CELSR2: variants seen among roughly 807,000 people sequenced by gnomAD.
CELSR2 encodes the protein EGF-like protein 2.
A neutral mutation model predicts 251.6 loss-of-function variants in CELSR2; 81 were observed. The observed-to-expected ratio is 0.32, with a 90% CI of 0.27 to 0.39. The LOEUF (loss-of-function observed/expected upper bound fraction) is 0.39, where lower values mean the gene tolerates loss of function less well. CELSR2 is among the 10% of genes least tolerant of loss of function. The probability of loss-of-function intolerance (pLI) is 1.00; values close to 1 mark genes in which losing one functional copy is unlikely to be tolerated. For synonymous variants in CELSR2, 1,721 were observed against 1,670.5 expected (o/e 1.03, Z -0.74); for missense variants, 3,365 against 3,947.7 (o/e 0.85, Z 3.96).
chr1:109,264,414 C>G, intron 10 of CELSR2, 40 bp from the exon 11 acceptor site: 17 of 1,599,280 alleles, frequency 1.1e-5, no homozygotes, highest in Non-Finnish European at 1.5e-5. Context: ...CACCTGCAGC[C>G]CCGCTCCACT....
chr1:109,265,860 G>A lies in CELSR2; in HGVS notation c.5853G>A (p.Gly1951=). The A allele has an allele frequency of 6.2e-7, 1 of 1,614,068 alleles. No homozygotes were observed. The highest frequency in any genetic ancestry group is 8.5e-7 in the Non-Finnish European group (1 of 1,180,000). The change falls in exon 14 of 34, where the codon GGG becomes GGA. Residue 1951 remains glycine (G), a synonymous_variant. Transcript: ENST00000271332. ...GQCPCKPGVI[G]RQCDRCDNPF... ...GTCCATGCAAGCCAGGTGTCATCGG[G>A]CGTCAGTGTGACCGCTGTGACAACC...
At position 109,250,352 on chromosome 1, in the gene CELSR2, G is replaced by A. The variant is rs1655647787; in HGVS notation, c.273G>A (p.Arg91=). The part of the protein sequence containing the change: ...GHLVPHHDGL[R]VWCPESEAHI... Reference sequence around the variant, plus strand: ...TGGTACCCCACCACGATGGCCTGAGGGTTTGGTGTCCAGAATCCGAGGCCC... The same window carrying A: ...TGGTACCCCACCACGATGGCCTGAGAGTTTGGTGTCCAGAATCCGAGGCCC... The change falls in exon 1 of 34, where the codon AGG becomes AGA. Residue 91 remains arginine, a synonymous_variant. Transcript: ENST00000271332. This position sits in a 1 kb window ranked among gnomAD's most constrained non-coding sequence, Gnocchi z 4.4. 1.2e-6 allele frequency: 2 copies of A among 1,613,534 alleles called. No homozygotes were observed. Among genetic ancestry groups the A allele is most frequent in the African/African-American group, 1.3e-5 (1 of 75,058 alleles).
Position 109,270,028 on chromosome 1 carries a change from G to A in CELSR2, c.7203G>A (p.Leu2401=). ...LLLTFFFLTL[L]RILRSNQHGI... ...TCACCTTCTTCTTCCTCACTCTCTT[G>A]CGTATCCTGCGCTCCAACCAACACG... Residue 2401 remains leucine (L), a synonymous_variant, in exon 23 of 34, where the codon TTG becomes TTA. Transcript: ENST00000271332. The A allele has an allele frequency of 6.2e-7, 1 of 1,614,024 alleles. No individual in the cohort carries two copies. Among genetic ancestry groups the A allele is most frequent in the East Asian group, 2.2e-5 (1 of 44,866 alleles).
Position 109,269,331 on chromosome 1 carries a change from G to T in CELSR2, c.6812+41G>T, listed in dbSNP as rs368186419. 7 of 1,611,504 alleles carry T rather than the reference G, an allele frequency of 4.3e-6. No homozygotes were observed. Among genetic ancestry groups the T allele is most frequent in the Non-Finnish European group, 5.9e-6 (7 of 1,179,276 alleles). On this transcript the variant is annotated intron_variant, in intron 20 of 33. Transcript: ENST00000271332. The surrounding 1 kb of genome is among the most constrained non-coding windows in gnomAD (Gnocchi z 6.4). ...ACAGGTGTGGGTAGGGGTATGGGTCGGGCGGTGAGTGCTGAGGCATGGAGG... is the reference window on the plus strand; with the variant it reads ...ACAGGTGTGGGTAGGGGTATGGGTCTGGCGGTGAGTGCTGAGGCATGGAGG...
Position 109,262,338 on chromosome 1 carries a change from G to T in CELSR2, c.4438G>T (p.Ala1480Ser), listed in dbSNP as rs760390683. ...ACAGGGCCCATCAGAGCAGAAGGTG[G>T]CTGTGGTGACCGTGGATGGCTGTGA... ...LPQGPSEQKV[A>S]VVTVDGCDTG... The change falls in exon 6 of 34, where the codon GCT becomes TCT. Residue 1480 changes from alanine to serine, a missense_variant. Transcript: ENST00000271332. The T allele has an allele frequency of 1.9e-6, 3 of 1,614,212 alleles. No individual in the cohort carries two copies. Among genetic ancestry groups the T allele is most frequent in the Non-Finnish European group, 2.5e-6 (3 of 1,180,042 alleles).
Position 109,271,692 on chromosome 1 carries a change from T to C in CELSR2, c.7896T>C (p.Pro2632=). Residue 2632 remains proline, a synonymous_variant, in exon 28 of 34, where the codon CCT becomes CCC. Transcript: ENST00000271332. ...LACSRKPSPD[P]ALTTKSTLTS... ...GCAGCCGCAAGCCCAGCCCTGACCC[T>C]GCTCTGACCACCAAGTCCACCCTGA... The C allele has an allele frequency of 1.2e-6, 2 of 1,613,934 alleles. No homozygotes were observed. The highest frequency in any genetic ancestry group is 1.7e-6 in the Non-Finnish European group (2 of 1,180,028).
Position 109,273,587 on chromosome 1 carries a change from C to A in CELSR2, c.8661C>A (p.Ser2887Arg), listed in dbSNP as rs1478574320. 1.9e-6 allele frequency: 3 copies of A among 1,557,214 alleles called. No individual in the cohort carries two copies. The highest frequency in any genetic ancestry group is 2.7e-5 in the African/African-American group (2 of 73,072). Residue 2887 changes from serine (S) to arginine (R), a missense_variant, in exon 33 of 34, where the codon AGC (serine) becomes AGA (arginine). Ser to Arg is a moderately radical substitution (Grantham distance 110, BLOSUM62 -1). Coordinates refer to ENST00000271332, the MANE Select transcript of CELSR2 (RefSeq NM_001408.3). The stretch of plus-strand genomic sequence containing the variant: ...CTCCCCGCCCACCGCCCCGGCAGAG[C>A]CTCCAGGAGCAGCTGAACGGGGTCA... The part of the protein sequence containing the change: ...GPPPRPPPRQ[S>R]LQEQLNGVMP...
At position 109,264,558 on chromosome 1, in the gene CELSR2, C is replaced by T. The variant is rs1341964677; in HGVS notation, c.5394C>T (p.Asp1798=). 1 of 1,614,216 alleles carries T rather than the reference C, an allele frequency of 6.2e-7. No homozygotes were observed. Among genetic ancestry groups the T allele is most frequent in the Middle Eastern group, 1.6e-4 (1 of 6,062 alleles). The stretch of plus-strand genomic sequence containing the variant: ...GCTGTAGCCTGCCTGACCCTTGTGA[C>T]TCAAACCCGTGTCCTGCTAACAGCT... The part of the protein sequence containing the change: ...EQGCSLPDPC[D]SNPCPANSYC... Residue 1798 remains aspartate (D), a synonymous_variant, in exon 11 of 34, where the codon GAC becomes GAT. Transcript: ENST00000271332.
At position 109,251,449 on chromosome 1, in the gene CELSR2, A is replaced by G. The variant is rs1420014979; in HGVS notation, c.1370A>G (p.Asp457Gly). 6.2e-7 allele frequency: 1 copy of G among 1,613,710 alleles called. No individual in the cohort carries two copies. The highest frequency in any genetic ancestry group is 2.2e-5 in the East Asian group (1 of 44,884). Reference sequence around the variant, plus strand: ...CTGGATGCCCAGACTGGAGCTCTGGATGTGGTGAGCCCTCTTGACTATGAG... The same window carrying G: ...CTGGATGCCCAGACTGGAGCTCTGGGTGTGGTGAGCCCTCTTGACTATGAG... ...FYLDAQTGAL[D>G]VVSPLDYETT... The change falls in exon 1 of 34, where the codon GAT becomes GGT. Residue 457 changes from aspartate to glycine, a missense_variant. Asp to Gly is a moderately conservative substitution (Grantham distance 94, BLOSUM62 -1). Coordinates refer to ENST00000271332, the MANE Select transcript of CELSR2 (RefSeq NM_001408.3). The surrounding 1 kb of genome is among the most constrained non-coding windows in gnomAD (Gnocchi z 4.9).
chr1:109,258,417 T>C lies in CELSR2; in HGVS notation c.3311-15T>C. ...GCAGCCCCAGGCTGGGTCCTGACTG[T>C]GTCCCTCTCCACAGACGGCGTACAC... is the stretch of plus-strand genomic sequence containing the variant. On this transcript the variant is annotated splice_polypyrimidine_tract_variant and intron_variant, in intron 1 of 33. Transcript: ENST00000271332. 1.1e-5 allele frequency: 17 copies of C among 1,547,894 alleles called. No homozygotes were observed. Among genetic ancestry groups the C allele is most frequent in the Non-Finnish European group, 1.5e-5 (17 of 1,142,698 alleles).
chr1:109,253,798 C>G (rs773025945), intron 1 of CELSR2, among the ~76,000 whole-genome samples: 2 of 152,188 alleles, frequency 1.3e-5, no homozygotes, highest in African/African-American at 2.4e-5. Context: ...CCCTTCACCC[C>G]CATCAAGATA....
At chr1:109,257,713 C>T (rs1268594541) in intron 1 of CELSR2, among the ~76,000 whole-genome samples, 2 of 152,144 alleles carry the variant, frequency 1.3e-5, no homozygotes, top group African/African-American at 2.4e-5. Flanking sequence ...CTCTGCCTTC[C>T]GGTCCCCCAC....
Position 109,273,432 on chromosome 1 carries a change from A to G in CELSR2, c.8510-4A>G. On this transcript the variant is annotated splice_region_variant and splice_polypyrimidine_tract_variant and intron_variant, in intron 32 of 33. Coordinates refer to ENST00000271332, the MANE Select transcript of CELSR2 (RefSeq NM_001408.3). Reference sequence around the variant, plus strand: ...GCACCTCACAGCCCCGCCCCGGCCCACAGGCATCCTTAAGAAGAAGTGTCT... The same window carrying G: ...GCACCTCACAGCCCCGCCCCGGCCCGCAGGCATCCTTAAGAAGAAGTGTCT... 1 of 1,610,996 alleles carries G rather than the reference A, an allele frequency of 6.2e-7. No homozygotes were observed. The highest frequency in any genetic ancestry group is 1.1e-5 in the South Asian group (1 of 90,698).
At chr1:109,253,463 G>A (rs1037564044) in intron 1 of CELSR2, 74 bp downstream of exon 1, 3 of 1,511,878 alleles carry the variant, frequency 2.0e-6, no homozygotes, top group Admixed American at 2.0e-5. Flanking sequence ...TGGAGGTAGG[G>A]TGCGATCCAG....
At position 109,251,132 on chromosome 1, in the gene CELSR2, C is replaced by T; in HGVS notation, c.1053C>T (p.Thr351=). The T allele has an allele frequency of 6.2e-7, 1 of 1,613,294 alleles. No individual in the cohort carries two copies. The highest frequency in any genetic ancestry group is 1.1e-5 in the South Asian group (1 of 91,064). Residue 351 remains threonine, a synonymous_variant, in exon 1 of 34, where the codon ACC becomes ACT. Coordinates refer to ENST00000271332, the MANE Select transcript of CELSR2 (RefSeq NM_001408.3). This position sits in a 1 kb window ranked among gnomAD's most constrained non-coding sequence, Gnocchi z 4.9. ...ACCCTCGCTCTGGGGTGATCCGAACCCGTGGCCCTGTGGATCGGGAAGAGG... is the reference window on the plus strand; with the variant it reads ...ACCCTCGCTCTGGGGTGATCCGAACTCGTGGCCCTGTGGATCGGGAAGAGG... ...EIDPRSGVIR[T]RGPVDREEVE... is the part of the protein sequence containing the mutation.
intron 15 of CELSR2, 134 bp downstream of exon 15, chr1:109,266,340 T>C (rs1656186151): frequency 9.7e-7 from 1 of 1,035,374 alleles, no homozygotes; most frequent in Non-Finnish European, 1.4e-6. Flanking sequence ...TCATTTCCCA[T>C]CTTCCTTGGT....
rs751067182 is a variant in CELSR2 at position 109,252,668 on chromosome 1, C to T, written c.2589C>T (p.Asp863=). The part of the protein sequence containing the change: ...TFQGGDDGDG[D]FIVESTSGIV... Reference sequence around the variant, plus strand: ...AAGGAGGCGACGATGGAGACGGTGACTTTATTGTTGAGTCCACGTCAGGCA... The same window carrying T: ...AAGGAGGCGACGATGGAGACGGTGATTTTATTGTTGAGTCCACGTCAGGCA... The change falls in exon 1 of 34, where the codon GAC becomes GAT. Residue 863 remains aspartate (D), a synonymous_variant. Transcript: ENST00000271332. The surrounding 1 kb of genome is among the most constrained non-coding windows in gnomAD (Gnocchi z 4.8). The T allele has an allele frequency of 6.2e-7, 1 of 1,613,924 alleles. No individual in the cohort carries two copies. Among genetic ancestry groups the T allele is most frequent in the Non-Finnish European group, 8.5e-7 (1 of 1,180,038 alleles).
chr1:109,273,893 A>T (rs1286165730), intron 33 of CELSR2, 129 bp from the exon 34 acceptor site: 4 of 1,314,384 alleles, frequency 3.0e-6, no homozygotes, highest in African/African-American at 1.4e-5. Flanking sequence ...CCTAGGGCAG[A>T]GTGCGGGAGG....
intron 5 of CELSR2, 51 bp from the exon 6 acceptor site, chr1:109,262,236 T>C: frequency 1.3e-6 from 2 of 1,596,530 alleles, no homozygotes; most frequent in South Asian, 1.1e-5. Context: ...GCCATGAACC[T>C]AGTGGGCTCT....
Sources: allele counts gnomAD v4.1 joint callset (sites outside exome capture counted in the v4.1 genomes callset), GRCh38; gene constraint gnomAD v4.1.1; non-coding constraint Gnocchi (gnomAD v3.1); transcripts MANE v1.5; gene names NCBI Gene and HGNC (gene_info 2026-07-23, HGNC 2026-07-21).